The following SORCS1 variants were observed in gnomAD, a reference collection of about 807,000 sequenced individuals.
SORCS1 encodes sortilin related VPS10 domain containing receptor 1.
SORCS1 carries 60 observed loss-of-function variants against 146.1 expected under a neutral mutation model. The ratio of observed to expected loss-of-function variants is 0.41; its 90% CI spans 0.33 to 0.51. The LOEUF (loss-of-function observed/expected upper bound fraction) is 0.51, where lower values mean the gene tolerates loss of function less well. SORCS1 is among the 20% of genes least tolerant of loss of function. The pLI is 0.21. For missense variants in SORCS1, 1,352 were observed against 1,487.6 expected, an observed-to-expected ratio of 0.91 and a Z score of 1.50; for synonymous variants, 637 against 584.0, an observed-to-expected ratio of 1.09 and a Z score of -1.31.
chr10:106,775,648 A>T (rs986167372), intron 4 of SORCS1, among the ~76,000 whole-genome samples: 16 of 152,194 alleles, frequency 1.1e-4, no homozygotes, highest in East Asian at 7.7e-4. Context: ...CTAATTCATG[A>T]TCCCTCTAAG....
intron 1 of SORCS1, among the ~76,000 whole-genome samples, chr10:107,099,916 A>C (rs1027130350): frequency 2.0e-5 from 3 of 152,232 alleles, no homozygotes; most frequent in Non-Finnish European, 2.9e-5. Context: ...CAGATAATAT[A>C]ACATGCAGTT....
chr10:106,925,781 T>C (rs1309790105), intron 2 of SORCS1, among the ~76,000 whole-genome samples: 2 of 152,210 alleles, frequency 1.3e-5, no homozygotes, highest in African/African-American at 4.8e-5. Context: ...ACAATTGCAC[T>C]GTATATTTGA....
intron 1 of SORCS1, among the ~76,000 whole-genome samples, chr10:107,037,930 G>A (rs569099099): frequency 2.2e-4 from 33 of 152,294 alleles, no homozygotes; most frequent in African/African-American, 7.9e-4. Context: ...AGGTTCAAGC[G>A]ATTCTTGTGC....
At chr10:106,985,080 AG>A (rs1956407735) in intron 1 of SORCS1, among the ~76,000 whole-genome samples, 1 of 152,126 alleles carries the variant, frequency 6.6e-6, no homozygotes, top group Non-Finnish European at 1.5e-5. Flanking sequence ...CCAGCTACTC[AG>A]GAGGCTGAGG....
intron 2 of SORCS1, among the ~76,000 whole-genome samples, chr10:106,894,945 A>C (rs997105288): frequency 1.3e-5 from 2 of 152,232 alleles, no homozygotes; most frequent in Non-Finnish European, 2.9e-5. Context: ...AGAGGATTAC[A>C]TGAGTATTTT....
chr10:107,002,556 C>T (rs1193817092), intron 1 of SORCS1, among the ~76,000 whole-genome samples: 1 of 152,128 alleles, frequency 6.6e-6, no homozygotes, highest in Non-Finnish European at 1.5e-5. Flanking sequence ...TTCTATAGCT[C>T]CCAAAACCTG....
intron 25 of SORCS1, chr10:106,578,641 A>C (rs888432738): frequency 2.0e-6 from 2 of 995,162 alleles, no homozygotes; most frequent in Non-Finnish European, 2.4e-6. Context: ...GGTGTTCCAG[A>C]GCAGTTTGCC....
chr10:106,688,386 T>C (rs1271700394), intron 9 of SORCS1, 48 bp from the exon 10 acceptor site: 8 of 1,583,696 alleles, frequency 5.1e-6, no homozygotes, highest in Non-Finnish European at 6.9e-6. Flanking sequence ...TGAGAAGGGA[T>C]ATATTTGTTT....
chr10:106,760,387 T>C (rs1177716130), intron 5 of SORCS1, among the ~76,000 whole-genome samples: 1 of 134,506 alleles, frequency 7.4e-6, no homozygotes, highest in Non-Finnish European at 1.5e-5. Context: ...GAGCTTGCAG[T>C]GAGCTGAGAT....
intron 1 of SORCS1, among the ~76,000 whole-genome samples, chr10:106,989,670 GTTTTTTTTTGTTTTTTTT>G (rs1956670462): frequency 8.6e-6 from 1 of 116,448 alleles, no homozygotes; most frequent in Non-Finnish European, 1.6e-5. Flanking sequence ...TATTTTTTCT[GTTTTTTTTTGTTTTTTTT>G]TTTTTTTTTT....
chr10:106,832,915 T>A (rs910046538), intron 2 of SORCS1, among the ~76,000 whole-genome samples: 30 of 152,128 alleles, frequency 2.0e-4, no homozygotes, highest in Admixed American at 1.1e-3. Flanking sequence ...TCGATGAAGA[T>A]TTTCACATTT....
intron 2 of SORCS1, among the ~76,000 whole-genome samples, chr10:106,868,536 A>T (rs1263996765): frequency 6.6e-6 from 1 of 152,126 alleles, no homozygotes; most frequent in Non-Finnish European, 1.5e-5. Context: ...AAGACTAAAA[A>T]AATTGCTCAA....
intron 2 of SORCS1, among the ~76,000 whole-genome samples, chr10:106,941,630 G>T (rs942281214): frequency 2.0e-5 from 3 of 152,318 alleles, no homozygotes; most frequent in Admixed American, 2.0e-4. Context: ...AAGGAATGTG[G>T]CTCCCAGTAG....
rs529233479 is a variant in SORCS1 at position 106,689,892 on chromosome 10, C to T, written c.1414-1554G>A. On this transcript the variant is annotated intron_variant, in intron 9 of 25. Coordinates refer to ENST00000263054, the MANE Select transcript of SORCS1 (RefSeq NM_052918.5). ...CATTAGTGTGTACCTGCTGATCTGG[C>T]ATCTGGGATAATTTATAGTTGGGCC... 3.5e-4 allele frequency among the ~76,000 whole-genome samples: 53 copies of T among 152,296 alleles called. No homozygotes were observed. In the South Asian group the frequency reaches 0.011, roughly 31 times the overall value.
intron 18 of SORCS1, among the ~76,000 whole-genome samples, chr10:106,639,229 C>T (rs761302917): frequency 1.3e-5 from 2 of 152,146 alleles, no homozygotes; most frequent in Non-Finnish European, 2.9e-5. Flanking sequence ...TGGTGAAACC[C>T]TGATTCAGGG....
chr10:106,831,297 C>A (rs957561583), intron 2 of SORCS1, among the ~76,000 whole-genome samples: 6 of 152,126 alleles, frequency 3.9e-5, no homozygotes, highest in Admixed American at 6.5e-5. Flanking sequence ...TTGTAAAATT[C>A]ATTCATTCAT....
At chr10:106,632,946 C>T (rs569359050) in intron 18 of SORCS1, among the ~76,000 whole-genome samples, 1 of 151,934 alleles carries the variant, frequency 6.6e-6, no homozygotes, top group African/African-American at 2.4e-5. Flanking sequence ...GAGTGCAGGC[C>T]AGGGGAACAG....
chr10:107,116,956 C>T (rs822326), intron 1 of SORCS1, among the ~76,000 whole-genome samples: 31,062 of 151,838 alleles, frequency 0.2, 5,046 homozygotes, highest in African/African-American at 0.44. Flanking sequence ...AAACTATATA[C>T]AAACCAATAC....
intron 1 of SORCS1, among the ~76,000 whole-genome samples, chr10:107,074,196 T>A (rs1962683713): frequency 6.6e-6 from 1 of 152,166 alleles, no homozygotes; most frequent in African/African-American, 2.4e-5. Flanking sequence ...CACCTATTCA[T>A]CTCCTGCACT....
Sources: gnomAD v4.1 joint callset for allele counts (sites outside exome capture counted in the v4.1 genomes callset) on GRCh38, gnomAD v4.1.1 for gene constraint, MANE v1.5 for transcripts, NCBI Gene and HGNC (gene_info 2026-07-23, HGNC 2026-07-21) for gene names.